Variants in SEMA5A observed in about 807,000 individuals in gnomAD.
SEMA5A encodes semaphorin-5A.
In SEMA5A, 55 loss-of-function variants were observed where a neutral mutation model predicts 135.5. The observed-to-expected ratio is 0.41, with a 90% CI of 0.33 to 0.51. The LOEUF is 0.51. Ranked by LOEUF, SEMA5A falls within the 20% of genes least tolerant of loss-of-function variation. The pLI is 0.37. For synonymous variants in SEMA5A, 580 were observed against 546.5 expected (o/e 1.06, Z -0.85); for missense variants, 1,290 against 1,419.9 (o/e 0.91, Z 1.47).
chr5:9,342,958 G>T (rs1753714662), intron 3 of SEMA5A, among the ~76,000 whole-genome samples: 1 of 152,066 alleles, frequency 6.6e-6, no homozygotes, highest in Non-Finnish European at 1.5e-5. Context: ...CAGCACATTT[G>T]GAAAATTACA....
intron 5 of SEMA5A, among the ~76,000 whole-genome samples, chr5:9,295,942 T>C (rs1171682747): frequency 6.6e-6 from 1 of 152,210 alleles, no homozygotes; most frequent in Non-Finnish European, 1.5e-5. Flanking sequence ...CACCCAATGC[T>C]TTCTTTAATT....
chr5:9,310,589 A>C (rs938810795), intron 5 of SEMA5A, among the ~76,000 whole-genome samples: 1 of 151,952 alleles, frequency 6.6e-6, no homozygotes, highest in African/African-American at 2.4e-5. Context: ...ATTCTAAATT[A>C]TTAATTAATA....
At chr5:9,148,737 T>C (rs1742474713) in intron 12 of SEMA5A, among the ~76,000 whole-genome samples, 1 of 152,300 alleles carries the variant, frequency 6.6e-6, no homozygotes, top group East Asian at 1.9e-4. Flanking sequence ...GTTTTGGTTT[T>C]GAGACAGAGT....
intron 19 of SEMA5A, 99 bp downstream of exon 19, chr5:9,053,988 G>GTACT (rs1736743291): frequency 5.0e-6 from 7 of 1,391,974 alleles, no homozygotes; most frequent in Non-Finnish European, 6.7e-6. Flanking sequence ...CCCCCTTTCA[G>GTACT]TACTTACCAT....
intron 16 of SEMA5A, among the ~76,000 whole-genome samples, chr5:9,075,153 A>T (rs768604513): frequency 2.0e-5 from 3 of 152,248 alleles, no homozygotes; most frequent in Non-Finnish European, 4.4e-5. Context: ...AGTAGAAATT[A>T]ATCCACAATC....
Position 9,121,711 on chromosome 5 carries a change from A to C in SEMA5A, c.1781+945T>G, listed in dbSNP as rs80258489. 4.7e-4 allele frequency among the ~76,000 whole-genome samples: 72 copies of C among 152,182 alleles called. 1 individual carries two copies. Among genetic ancestry groups the C allele is most frequent in the South Asian group, 1.9e-3 (9 of 4,810 alleles). Reference sequence around the variant, plus strand: ...GTAATACAAAACAAAACAAAAAAAAACCCTAATCTCTGTGGCCCTGATTTG... The same window carrying C: ...GTAATACAAAACAAAACAAAAAAAACCCCTAATCTCTGTGGCCCTGATTTG... On this transcript the variant is annotated intron_variant, in intron 14 of 22. Transcript: ENST00000382496.
At chr5:9,265,601 C>G (rs1022110645) in intron 5 of SEMA5A, 7 of 453,692 alleles carry the variant, frequency 1.5e-5, no homozygotes, top group Non-Finnish European at 3.1e-5. Flanking sequence ...GCCTGGCGTC[C>G]CATGTTCAGC....
At chr5:9,183,634 A>G (rs1488642739) in intron 11 of SEMA5A, among the ~76,000 whole-genome samples, 4 of 152,200 alleles carry the variant, frequency 2.6e-5, no homozygotes, top group Admixed American at 2.6e-4. Context: ...GACCTGACCA[A>G]TGAGCGGTCC....
intron 7 of SEMA5A, among the ~76,000 whole-genome samples, chr5:9,225,372 T>C (rs796393383): frequency 2.6e-3 from 279 of 109,144 alleles, no homozygotes; most frequent in African/African-American, 9.4e-3. Flanking sequence ...GCTAACACGG[T>C]GAAACCCCAT....
intron 16 of SEMA5A, among the ~76,000 whole-genome samples, chr5:9,085,828 G>T (rs1050913024): frequency 2.0e-5 from 3 of 152,156 alleles, no homozygotes; most frequent in Non-Finnish European, 4.4e-5. Flanking sequence ...CGGAAAAGCC[G>T]CAGACACTCA....
At chr5:9,119,211 G>T (rs1046820714) in intron 14 of SEMA5A, 70 bp from the exon 15 acceptor site, 152 of 1,556,106 alleles carry the variant, frequency 9.8e-5, no homozygotes, top group Non-Finnish European at 1.2e-4. Context: ...CTGCACCCAC[G>T]GCCAAATGCC....
At chr5:9,457,831 C>T (rs1196773737) in intron 1 of SEMA5A, among the ~76,000 whole-genome samples, 1 of 149,776 alleles carries the variant, frequency 6.7e-6, no homozygotes, top group African/African-American at 2.5e-5. Context: ...TTGAAAGGGT[C>T]ACAGGATAAG....
intron 1 of SEMA5A, among the ~76,000 whole-genome samples, chr5:9,490,839 T>G (rs570955599): frequency 1.3e-5 from 2 of 152,334 alleles, no homozygotes; most frequent in African/African-American, 4.8e-5. Context: ...TTTATTCAAA[T>G]TATCTCAGAG....
Position 9,379,997 on chromosome 5 carries a change from C to T in SEMA5A, c.-51G>A, listed in dbSNP as rs753987919. On this transcript the variant is annotated 5_prime_UTR_variant, in exon 3 of 23. Transcript: ENST00000382496. ...GGCACGTGTCTTCTAAACAGAAGCTCTTCTTCTCCTCATGTGTGGAAAGTG... is the reference window on the plus strand; with the variant it reads ...GGCACGTGTCTTCTAAACAGAAGCTTTTCTTCTCCTCATGTGTGGAAAGTG... 6.4e-7 allele frequency: 1 copy of T among 1,560,248 alleles called. No homozygotes were observed.
intron 1 of SEMA5A, among the ~76,000 whole-genome samples, chr5:9,477,265 T>C (rs540257954): frequency 6.6e-6 from 1 of 152,204 alleles, no homozygotes; most frequent in East Asian, 1.9e-4. Flanking sequence ...AAATGTCAGA[T>C]AGTTCTTTAT....
At chr5:9,474,534 C>T (rs974294805) in intron 1 of SEMA5A, among the ~76,000 whole-genome samples, 14 of 151,682 alleles carry the variant, frequency 9.2e-5, no homozygotes, top group African/African-American at 3.4e-4. Context: ...AAAGAGTCTA[C>T]ACATGTTTTA....
chr5:9,079,135 G>A (rs972130532), intron 16 of SEMA5A, among the ~76,000 whole-genome samples: 2 of 151,988 alleles, frequency 1.3e-5, no homozygotes, highest in East Asian at 3.9e-4. Context: ...TCATTTGGAT[G>A]CCATTTAAAA....
chr5:9,170,417 T>C (rs983757499), intron 11 of SEMA5A, among the ~76,000 whole-genome samples: 2 of 152,124 alleles, frequency 1.3e-5, no homozygotes, highest in Non-Finnish European at 2.9e-5. Flanking sequence ...TGCAAATATA[T>C]TAAGTCTACA....
At chr5:9,413,676 G>A (rs1757182804) in intron 2 of SEMA5A, among the ~76,000 whole-genome samples, 1 of 152,332 alleles carries the variant, frequency 6.6e-6, no homozygotes, top group East Asian at 1.9e-4. Flanking sequence ...ATAAGTTTCT[G>A]TGTATGTTTA....
Sources: gnomAD v4.1 joint callset for allele counts (sites outside exome capture counted in the v4.1 genomes callset) on GRCh38, gnomAD v4.1.1 for gene constraint, MANE v1.5 for transcripts, NCBI Gene and HGNC (gene_info 2026-07-23, HGNC 2026-07-21) for gene names.